JCAD: variants seen among roughly 807,000 people sequenced by gnomAD.
JCAD encodes the protein junctional cadherin 5-associated protein.
In JCAD, 40 loss-of-function variants were observed where a neutral mutation model predicts 98.0. The observed-to-expected ratio is 0.41, with a 90% confidence interval of 0.32 to 0.53. The LOEUF (loss-of-function observed/expected upper bound fraction) is 0.53. Among genes scored for constraint, JCAD ranks in the 20% least tolerant of loss-of-function variants. The pLI, the probability that JCAD is intolerant of heterozygous loss-of-function variation, is 0.31. For missense variants in JCAD, 1,705 were observed against 1,738.1 expected (o/e 0.98, Z 0.34); for synonymous variants, 691 against 682.3 (o/e 1.01, Z -0.20).
At chr10:30,061,045 C>T (rs563740104), upstream of JCAD, among the ~76,000 whole-genome samples, 12 of 152,172 alleles carry the variant, frequency 7.9e-5, no homozygotes, top group Non-Finnish European at 1.5e-4. Context: ...GAGCAGGCAG[C>T]ATGATTAGGG....
intron 1 of JCAD, among the ~76,000 whole-genome samples, chr10:30,101,225 G>T (rs953720101): frequency 6.6e-6 from 1 of 152,134 alleles, no homozygotes; most frequent in African/African-American, 2.4e-5. Context: ...TGGCCAATAT[G>T]GCAAAACCCT....
chr10:30,110,391 GTGGACCAGCTGGTGTA>G (rs1198642103), intron 1 of JCAD, among the ~76,000 whole-genome samples: 1 of 151,600 alleles, frequency 6.6e-6, no homozygotes, highest in Non-Finnish European at 1.5e-5. Flanking sequence ...CAGCTGATGT[GTGGACCAGCTGGTGTA>G]TGGACCGGCT....
In JCAD at chr10:30,028,632, C is replaced by G. The variant is rs539002492; in HGVS notation, c.1516G>C (p.Gly506Arg). 11 of 1,609,364 alleles carry G rather than the reference C, an allele frequency of 6.8e-6. No individual in the cohort carries two copies. Among genetic ancestry groups the G allele is most frequent in the Non-Finnish European group, 9.3e-6 (11 of 1,177,640 alleles). Residue 506 changes from glycine (G) to arginine (R), a missense_variant, in exon 3 of 4, where the codon GGG becomes CGG. Gly to Arg is a moderately radical substitution (Grantham distance 125, BLOSUM62 -2). Transcript: ENST00000375377. ...GGGAGGCCACTGTTTTCCCCATCCCCGGGGGGCTGGCCCCACAGCCACCGG... is the reference window on the plus strand; with the variant it reads ...GGGAGGCCACTGTTTTCCCCATCCCGGGGGGGCTGGCCCCACAGCCACCGG... ...SPRWLWGQPP[G>R]DGENSGLPNQ...
intron 1 of JCAD, among the ~76,000 whole-genome samples, chr10:30,104,773 G>T (rs1053742620): frequency 7.0e-6 from 1 of 141,946 alleles, no homozygotes; most frequent in South Asian, 2.1e-4. Context: ...CTTGTCAAAA[G>T]TTTTTTGTTT....
At chr10:30,101,918 C>G (rs974697973) in intron 1 of JCAD, among the ~76,000 whole-genome samples, 1 of 152,072 alleles carries the variant, frequency 6.6e-6, no homozygotes, top group Admixed American at 6.6e-5. Flanking sequence ...CAATGAAGAA[C>G]AGGAAAGCTT....
chr10:30,068,390 CAAAAAAAAA>C (rs34060997), intron 2 of JCAD, among the ~76,000 whole-genome samples: 4 of 48,196 alleles, frequency 8.3e-5, no homozygotes, highest in East Asian at 5.9e-4. Context: ...AACTCTGTCT[CAAAAAAAAA>C]AAAAAAAAAA....
At chr10:30,056,570 T>C (rs961084090) in intron 1 of JCAD, among the ~76,000 whole-genome samples, 1 of 152,076 alleles carries the variant, frequency 6.6e-6, no homozygotes, top group Non-Finnish European at 1.5e-5. Context: ...TTCTTCCTAA[T>C]AGTATCTAAA....
chr10:30,041,281 C>T (rs1589689667), intron 2 of JCAD, among the ~76,000 whole-genome samples: 1 of 152,040 alleles, frequency 6.6e-6, no homozygotes, highest in East Asian at 1.9e-4. Context: ...AGCATGCCAG[C>T]CCTCAAGAAA....
At chr10:30,112,009 A>C (rs1237581994) in intron 1 of JCAD, among the ~76,000 whole-genome samples, 2 of 152,164 alleles carry the variant, frequency 1.3e-5, no homozygotes, top group Non-Finnish European at 2.9e-5. Flanking sequence ...AAACTTGTCC[A>C]CCCATGCTCA....
chr10:30,017,641 A>G lies in JCAD; in HGVS notation c.*242T>C. The G allele has an allele frequency of 1.7e-6, 1 of 574,988 alleles. No homozygotes were observed. 35.6% of individuals were successfully genotyped at this position (574,988 alleles called of 1,614,324 possible). ...TTTCTGTGAAAACTCCTTCCTAATT[A>G]TAGGCATTAAATCTTCATGCTATAA... On this transcript the variant is annotated 3_prime_UTR_variant, in exon 4 of 4. Transcript: ENST00000375377.
At chr10:30,041,042 A>G (rs1204791068) in intron 2 of JCAD, among the ~76,000 whole-genome samples, 2 of 152,088 alleles carry the variant, frequency 1.3e-5, no homozygotes, top group Non-Finnish European at 2.9e-5. Flanking sequence ...TCACTCCAGA[A>G]GCCTGCACCT....
chr10:30,086,275 CACCCTTAGT>C (rs1359005053), intron 1 of JCAD, among the ~76,000 whole-genome samples: 1 of 152,202 alleles, frequency 6.6e-6, no homozygotes, highest in Non-Finnish European at 1.5e-5. Flanking sequence ...TTCCCCTCCA[CACCCTTAGT>C]GGACAAATTT....
chr10:30,038,899 TC>T (rs532948333), intron 2 of JCAD, among the ~76,000 whole-genome samples: 1 of 152,014 alleles, frequency 6.6e-6, no homozygotes, highest in South Asian at 2.1e-4. Flanking sequence ...TACTAATGTG[TC>T]CCCGATGAAG....
intron 1 of JCAD, among the ~76,000 whole-genome samples, chr10:30,077,123 C>T (rs1438880363): frequency 6.6e-6 from 1 of 152,164 alleles, no homozygotes; most frequent in African/African-American, 2.4e-5. Flanking sequence ...TCAGTGAAAC[C>T]AGCTTCACAG....
intron 1 of JCAD, among the ~76,000 whole-genome samples, chr10:30,076,777 C>G (rs1837988515): frequency 6.6e-6 from 1 of 152,140 alleles, no homozygotes. Flanking sequence ...CTGTTACCTT[C>G]AACATCATAG....
At chr10:30,058,395 G>C (rs147556021) in intron 1 of JCAD, among the ~76,000 whole-genome samples, 212 of 152,216 alleles carry the variant, frequency 1.4e-3, no homozygotes, top group African/African-American at 4.8e-3. Flanking sequence ...GTGTAGGTGT[G>C]GGGAGGTGAT....
intron 1 of JCAD, among the ~76,000 whole-genome samples, chr10:30,113,665 G>C (rs1838745063): frequency 1.3e-5 from 2 of 151,028 alleles, no homozygotes; most frequent in Non-Finnish European, 1.5e-5. Context: ...TCCTCATAGG[G>C]CGACTTCTGG....
intron 3 of JCAD, among the ~76,000 whole-genome samples, chr10:30,018,572 A>G (rs1284813212): frequency 1.3e-5 from 2 of 152,238 alleles, no homozygotes; most frequent in East Asian, 1.9e-4. Context: ...GTCAATGGAA[A>G]AATCCCAATC....
chr10:30,097,748 T>G (rs1261560942), intron 1 of JCAD, among the ~76,000 whole-genome samples: 1 of 151,606 alleles, frequency 6.6e-6, no homozygotes, highest in Non-Finnish European at 1.5e-5. Flanking sequence ...GGGCGACAGA[T>G]GGAAACTCCG....
Sources: allele counts gnomAD v4.1 joint callset (sites outside exome capture counted in the v4.1 genomes callset), GRCh38; gene constraint gnomAD v4.1.1; transcripts MANE v1.5; gene names NCBI Gene and HGNC (gene_info 2026-07-23, HGNC 2026-07-21).